CCDC77: variants seen among roughly 807,000 people sequenced by gnomAD.
CCDC77 encodes the protein coiled-coil domain containing 77, also known as coiled-coil domain-containing protein 77.
A neutral mutation model predicts 66.8 loss-of-function variants in CCDC77; 56 were observed. That is an observed-to-expected ratio of 0.84 (90% CI 0.68 to 1.05). The LOEUF (loss-of-function observed/expected upper bound fraction) is 1.05. Among genes scored for constraint, CCDC77 ranks in the 50% least tolerant of loss-of-function variants. The pLI is 0.00. For missense variants in CCDC77, 570 were observed against 576.8 expected, an observed-to-expected ratio of 0.99 and a Z score of 0.12; for synonymous variants, 196 against 195.2, an observed-to-expected ratio of 1.00 and a Z score of -0.03.
chr12:429,871 T>C (rs984263478), intron 6 of CCDC77, among the ~76,000 whole-genome samples: 4 of 152,180 alleles, frequency 2.6e-5, no homozygotes, highest in Admixed American at 6.5e-5. Flanking sequence ...ATCCTTCCAC[T>C]GTAGCCAGCC....
chr12:440,121 G>A (rs1945832629), intron 10 of CCDC77, among the ~76,000 whole-genome samples: 1 of 152,220 alleles, frequency 6.6e-6, no homozygotes, highest in South Asian at 2.1e-4. Context: ...AGCCAGTTGT[G>A]GAGGGCCTTG....
intron 3 of CCDC77, among the ~76,000 whole-genome samples, chr12:410,267 G>GTTTTTTTTTTTTTTTT (rs5795915): frequency 6.7e-6 from 1 of 148,704 alleles, no homozygotes; most frequent in African/African-American, 2.5e-5. Context: ...TACTATTTTT[G>GTTTTTTTTTTTTTTTT]TTTTTTTTTT....
intron 5 of CCDC77, among the ~76,000 whole-genome samples, chr12:428,209 C>T (rs1945570607): frequency 6.6e-6 from 1 of 152,088 alleles, no homozygotes; most frequent in African/African-American, 2.4e-5. Context: ...CTACCATTCC[C>T]TTTTAGAATT....
chr12:417,316 A>G (rs4980898), intron 4 of CCDC77, among the ~76,000 whole-genome samples: 118,895 of 151,868 alleles, frequency 0.78, 46,780 homozygotes, highest in Middle Eastern at 0.86. Flanking sequence ...TCTTATTTAC[A>G]GTTCTCTTTT....
chr12:416,324 T>TGA, intron 4 of CCDC77, among the ~76,000 whole-genome samples: 1 of 97,844 alleles, frequency 1.0e-5, no homozygotes, highest in East Asian at 3.4e-4. Context: ...TGTGTGTGTG[T>TGA]GAGTCTGTGG....
At chr12:404,865 G>A (rs1159880850) in intron 1 of CCDC77, among the ~76,000 whole-genome samples, 2 of 151,914 alleles carry the variant, frequency 1.3e-5, no homozygotes. Flanking sequence ...TGGGATTATA[G>A]GGATGCACCA....
At chr12:394,179 A>G (rs1401054925) in intron 1 of CCDC77, among the ~76,000 whole-genome samples, 4 of 152,228 alleles carry the variant, frequency 2.6e-5, no homozygotes, top group Admixed American at 6.5e-5. Context: ...CTGAACAACC[A>G]TAGTTTGTCT....
At chr12:417,432 T>G (rs1034954354) in intron 4 of CCDC77, among the ~76,000 whole-genome samples, 4 of 152,148 alleles carry the variant, frequency 2.6e-5, no homozygotes, top group Admixed American at 2.6e-4. Context: ...GATCTCAGAA[T>G]GTTTATTCCT....
At chr12:436,457 C>T (rs561076307) in intron 9 of CCDC77, among the ~76,000 whole-genome samples, 1 of 152,108 alleles carries the variant, frequency 6.6e-6, no homozygotes, top group Non-Finnish European at 1.5e-5. Context: ...ATCCTGACCT[C>T]AGGTAACCTG....
intron 2 of CCDC77, among the ~76,000 whole-genome samples, chr12:407,893 C>T (rs7972566): frequency 0.78 from 117,586 of 150,764 alleles, 45,902 homozygotes; most frequent in East Asian, 0.83. Context: ...GTTCACGCCA[C>T]TCTCCTGCCT....
At chr12:427,513 C>T (rs1945558474) in intron 5 of CCDC77, among the ~76,000 whole-genome samples, 2 of 142,396 alleles carry the variant, frequency 1.4e-5, no homozygotes, top group Admixed American at 7.3e-5. Flanking sequence ...CTTGCTCTGT[C>T]GCCCAGGCCA....
chr12:401,948 G>A (rs1273865710), intron 1 of CCDC77, among the ~76,000 whole-genome samples: 2 of 151,718 alleles, frequency 1.3e-5, no homozygotes, highest in Non-Finnish European at 2.9e-5. Context: ...CGGGATTCGG[G>A]CGCCCTGGAG....
chr12:391,608 C>T (rs920375944), intron 1 of CCDC77, among the ~76,000 whole-genome samples: 2 of 152,148 alleles, frequency 1.3e-5, no homozygotes, highest in Non-Finnish European at 2.9e-5. Context: ...AATGGTTTTG[C>T]TTTCAAATTA....
At chr12:403,298 C>T (rs1944930800) in intron 1 of CCDC77, among the ~76,000 whole-genome samples, 2 of 152,172 alleles carry the variant, frequency 1.3e-5, no homozygotes, top group African/African-American at 2.4e-5. Flanking sequence ...TAATAGTCCA[C>T]ATTTACTGAG....
intron 5 of CCDC77, among the ~76,000 whole-genome samples, chr12:423,531 A>C (rs578144054): frequency 1.5e-3 from 151 of 98,706 alleles, no homozygotes; most frequent in Non-Finnish European, 2.3e-3. Context: ...GGTCTTGCTC[A>C]GTCACCCAGG....
intron 8 of CCDC77, among the ~76,000 whole-genome samples, chr12:432,281 CA>C (rs1945667290): frequency 6.6e-6 from 1 of 152,098 alleles, no homozygotes. Context: ...GCTGATAGAT[CA>C]ACATTTGATG....
At chr12:415,433 CATA>C (rs199712503) in intron 4 of CCDC77, among the ~76,000 whole-genome samples, 1,653 of 122,960 alleles carry the variant, frequency 0.013, 141 homozygotes, top group East Asian at 0.089. Flanking sequence ...ACATAATTAA[CATA>C]ATAATATGTT....
At chr12:429,322 C>A (rs1945601777) in intron 6 of CCDC77, among the ~76,000 whole-genome samples, 1 of 152,220 alleles carries the variant, frequency 6.6e-6, no homozygotes, top group South Asian at 2.1e-4. Flanking sequence ...ACTTCCATCT[C>A]TTTCTTCATT....
rs1242825620 is a variant in CCDC77, at chr12:441,972, C to CT, written c.*53dup. The CT allele has an allele frequency of 1.1e-5, 18 of 1,594,358 alleles. No homozygotes were observed. Among genetic ancestry groups the CT allele is most frequent in the Non-Finnish European group, 1.5e-5 (18 of 1,164,506 alleles). On this transcript the variant is annotated 3_prime_UTR_variant, in exon 13 of 13. Coordinates refer to ENST00000239830, the MANE Select transcript of CCDC77 (RefSeq NM_032358.4). Reference sequence around the variant, plus strand: ...TTAGAAGAGGTGTGCTTCTTGAAACCTGAGGACAAGGTCATCTGCTGCCAG... The same window carrying CT: ...TTAGAAGAGGTGTGCTTCTTGAAACCTTGAGGACAAGGTCATCTGCTGCCAG...
Sources: gnomAD v4.1 joint callset for allele counts (sites outside exome capture counted in the v4.1 genomes callset) on GRCh38, gnomAD v4.1.1 for gene constraint, MANE v1.5 for transcripts, NCBI Gene and HGNC (gene_info 2026-07-23, HGNC 2026-07-21) for gene names.